BCOR: variants seen among roughly 807,000 people sequenced by gnomAD.
BCOR encodes the protein BCL-6 corepressor.
In BCOR, 10 loss-of-function variants were observed where a neutral mutation model predicts 86.7. That is an observed-to-expected ratio of 0.12 (90% CI 0.07 to 0.20). The LOEUF is 0.20. Among genes scored for constraint, BCOR ranks in the 10% least tolerant of loss-of-function variants. The pLI is 1.00. For missense variants in BCOR, 1,259 were observed against 1,452.1 expected, an observed-to-expected ratio of 0.87 and a Z score of 2.16; for synonymous variants, 611 against 609.0, an observed-to-expected ratio of 1.00 and a Z score of -0.05.
intron 1 of BCOR, among the ~76,000 whole-genome samples, chrX:40,161,760 G>A (rs781042998): frequency 7.0e-4 from 78 of 110,971 alleles, no homozygotes; most frequent in Non-Finnish European, 7.2e-4. Flanking sequence ...TGATCCGCCC[G>A]CCTCGGCCTC....
At chrX:40,089,409 C>T (rs190864776) in intron 1 of BCOR, among the ~76,000 whole-genome samples, 1 of 111,780 alleles carries the variant, frequency 8.9e-6, no homozygotes, top group East Asian at 2.8e-4. Context: ...CTGATTTTCA[C>T]ATACTGTCTC....
rs1935089695 is a variant in BCOR, at chrX:40,064,429, T to C, written c.3409A>G (p.Lys1137Glu). The change falls in exon 7 of 15, where the codon AAA becomes GAA. Residue 1137 changes from lysine to glutamate, a missense_variant. Physicochemically the swap from Lys to Glu is moderately conservative, Grantham distance 56 (BLOSUM62 1). This residue lies in a region of BCOR where 305 missense variants were observed against 286.1 expected (regional missense o/e 1.07). Coordinates refer to ENST00000378444, the MANE Select transcript of BCOR (RefSeq NM_001123385.2). ...SPTLRVDRKR[K>E]VSGDSSHTET... ...GTGTGGCTGCTGTCACCTGAGACTT[T>C]GCGTTTCCTGTCCACCCGGAGGGTG... is the stretch of plus-strand genomic sequence containing the variant. 1.7e-6 allele frequency: 2 copies of C among 1,211,151 alleles called. No homozygotes were observed. Among genetic ancestry groups the C allele is most frequent in the Admixed American group, 2.2e-5 (1 of 46,018 alleles).
At chrX:40,175,122 C>T (rs989069422) in intron 1 of BCOR, among the ~76,000 whole-genome samples, 1 of 89,173 alleles carries the variant, frequency 1.1e-5, no homozygotes, top group Non-Finnish European at 2.1e-5. Flanking sequence ...CTGTTCTGAC[C>T]TATACTGTCA....
chrX:40,138,167 G>C (rs910342603), intron 1 of BCOR, among the ~76,000 whole-genome samples: 1 of 111,640 alleles, frequency 9.0e-6, no homozygotes, highest in African/African-American at 3.3e-5. Context: ...GGTCAGGCTG[G>C]TCTCGAACTC....
intron 1 of BCOR, among the ~76,000 whole-genome samples, chrX:40,087,443 G>T (rs1346762258): frequency 8.9e-6 from 1 of 112,568 alleles, no homozygotes; most frequent in Non-Finnish European, 1.9e-5. Context: ...TTTCCACCAG[G>T]ATATAGAATA....
In BCOR at chrX:40,052,395, C is replaced by T. The variant is rs752359195; in HGVS notation, c.4982G>A (p.Arg1661Gln). The T allele has an allele frequency of 2.7e-5, 32 of 1,206,986 alleles. No individual in the cohort carries two copies. Among genetic ancestry groups the T allele is most frequent in the Non-Finnish European group, 3.2e-5 (29 of 893,260 alleles). The change falls in exon 15 of 15, where the codon CGA becomes CAA. Residue 1661 changes from arginine to glutamine, a missense_variant. Transcript: ENST00000378444. The stretch of plus-strand genomic sequence containing the variant: ...GACATCCGAAAGCAGTAGCCAGTTT[C>T]GTGGCCTACAAAACAGAAAGGAAAA... ...NIQVSVAQGP[R>Q]NWLLLSDVLK... is the part of the protein sequence containing the mutation.
intron 1 of BCOR, among the ~76,000 whole-genome samples, chrX:40,110,656 TTTTCC>T (rs1937286446): frequency 1.1e-5 from 1 of 88,841 alleles, no homozygotes; most frequent in Non-Finnish European, 2.2e-5. Flanking sequence ...TTTTTTTCTT[TTTTCC>T]TTTTTCTTTT....
intron 6 of BCOR, among the ~76,000 whole-genome samples, chrX:40,069,151 G>A (rs1935347793): frequency 8.9e-6 from 1 of 112,688 alleles, no homozygotes; most frequent in African/African-American, 3.2e-5. Context: ...GATGGCAGTG[G>A]CAGCAGCAAG....
intron 6 of BCOR, among the ~76,000 whole-genome samples, chrX:40,066,148 CT>C (rs1388847228): frequency 2.6e-4 from 29 of 111,802 alleles, no homozygotes; most frequent in African/African-American, 9.1e-4. Context: ...ATGGCTGGGA[CT>C]GGGATTCGGC....
chrX:40,170,333 T>C (rs981195034), intron 1 of BCOR, among the ~76,000 whole-genome samples: 1 of 109,289 alleles, frequency 9.2e-6, no homozygotes, highest in Admixed American at 9.7e-5. Context: ...TATATTCTTC[T>C]TCCGGTTTTG....
At chrX:40,161,680 A>G (rs1334359859) in intron 1 of BCOR, among the ~76,000 whole-genome samples, 1 of 105,937 alleles carries the variant, frequency 9.4e-6, no homozygotes, top group Non-Finnish European at 1.9e-5. Context: ...CGCCCAGCTA[A>G]TTTTTTGTAT....
chrX:40,053,245 G>T (rs1934416818), intron 14 of BCOR, among the ~76,000 whole-genome samples: 1 of 112,055 alleles, frequency 8.9e-6, no homozygotes. Context: ...CATACTTTAT[G>T]ATTTCCATCA....
chrX:40,097,026 T>G (rs1211600757), intron 1 of BCOR, among the ~76,000 whole-genome samples, 189 bp downstream of exon 1: 1 of 112,980 alleles, frequency 8.9e-6, no homozygotes. Context: ...GTTGGCTGCA[T>G]TTTAAATAAC....
intron 1 of BCOR, among the ~76,000 whole-genome samples, chrX:40,143,751 T>A (rs1396332735): frequency 8.9e-6 from 1 of 112,374 alleles, no homozygotes; most frequent in Non-Finnish European, 1.9e-5. Flanking sequence ...GGTCAGGAGT[T>A]TGAGACCAGC....
intron 1 of BCOR, among the ~76,000 whole-genome samples, chrX:40,115,010 G>A (rs934961710): frequency 9.1e-6 from 1 of 109,367 alleles, no homozygotes; most frequent in Non-Finnish European, 1.9e-5. Context: ...CTGCCACCAC[G>A]CCCGACTAAT....
At chrX:40,167,321 G>C (rs774165177) in intron 1 of BCOR, among the ~76,000 whole-genome samples, 1 of 112,199 alleles carries the variant, frequency 8.9e-6, no homozygotes, top group Admixed American at 9.4e-5. Context: ...GCCGAATTAA[G>C]GGAAGAGATT....
chrX:40,133,834 T>C (rs1486393672), intron 1 of BCOR, among the ~76,000 whole-genome samples: 1 of 111,067 alleles, frequency 9.0e-6, no homozygotes, highest in Non-Finnish European at 1.9e-5. Context: ...CAGAAATTGA[T>C]GGGAGGCTAT....
intron 1 of BCOR, among the ~76,000 whole-genome samples, chrX:40,092,507 C>G (rs962732894): frequency 4.5e-5 from 5 of 111,096 alleles, no homozygotes; most frequent in African/African-American, 1.6e-4. Context: ...CCCTTTTATT[C>G]CTCCCAGAGG....
chrX:40,127,906 AAATTT>A (rs1569188127), intron 1 of BCOR, among the ~76,000 whole-genome samples: 14 of 103,495 alleles, frequency 1.4e-4, no homozygotes, highest in Middle Eastern at 5.0e-3. Context: ...ATAAATAAAT[AAATTT>A]AAAAAAAAAA....
Sources: gnomAD v4.1 joint callset for allele counts (sites outside exome capture counted in the v4.1 genomes callset) on GRCh38, gnomAD v4.1.1 for gene constraint, gnomAD v4.1.1 regional missense constraint, MANE v1.5 for transcripts, NCBI Gene and HGNC (gene_info 2026-07-23, HGNC 2026-07-21) for gene names.